NIPA1: variants seen among roughly 807,000 people sequenced by gnomAD.
NIPA1 encodes the protein NIPA magnesium transporter 1, also known as magnesium transporter NIPA1.
NIPA1 carries 13 observed loss-of-function variants against 23.9 expected under a neutral mutation model. The observed-to-expected ratio is 0.54, with a 90% CI of 0.35 to 0.87. NIPA1 has a LOEUF of 0.87. NIPA1 is among the 40% of genes least tolerant of loss of function. The probability of loss-of-function intolerance (pLI) is 0.01; values close to 1 mark genes in which losing one functional copy is unlikely to be tolerated. For missense variants in NIPA1, 362 were observed against 429.7 expected (o/e 0.84, Z 1.39); for synonymous variants, 234 against 202.9 (o/e 1.15, Z -1.30).
At chr15:22,801,342 T>C in intron 1 of NIPA1, among the ~76,000 whole-genome samples, 1 of 152,094 alleles carries the variant, frequency 6.6e-6, no homozygotes. Context: ...ATACTTGACA[T>C]CTACCCGTCA....
At chr15:22,815,437 A>G (rs756659135) in intron 3 of NIPA1, among the ~76,000 whole-genome samples, 4 of 142,370 alleles carry the variant, frequency 2.8e-5, no homozygotes, top group Non-Finnish European at 6.5e-5. Context: ...ATTTGAACCC[A>G]GGGAGACCAG....
chr15:22,788,080 C>T (rs981036942), intron 1 of NIPA1, among the ~76,000 whole-genome samples: 4 of 152,116 alleles, frequency 2.6e-5, no homozygotes, highest in African/African-American at 9.7e-5. Context: ...GTGTGACAGG[C>T]CCCAGGACTG....
chr15:22,799,018 G>A (rs1895006379), intron 1 of NIPA1, among the ~76,000 whole-genome samples: 1 of 152,004 alleles, frequency 6.6e-6, no homozygotes, highest in Non-Finnish European at 1.5e-5. Flanking sequence ...AAACAGGATG[G>A]AGATTTTTCA....
intron 1 of NIPA1, among the ~76,000 whole-genome samples, chr15:22,789,520 G>A (rs952326032): frequency 2.0e-5 from 3 of 152,122 alleles, no homozygotes; most frequent in Non-Finnish European, 4.4e-5. Flanking sequence ...AGTCACTTAC[G>A]GCTGAGAGGA....
intron 3 of NIPA1, among the ~76,000 whole-genome samples, chr15:22,813,036 T>A (rs567509205): frequency 6.6e-6 from 1 of 152,320 alleles, no homozygotes; most frequent in East Asian, 1.9e-4. Context: ...ATAGGATTTA[T>A]GACTGACGCA....
intron 1 of NIPA1, among the ~76,000 whole-genome samples, chr15:22,788,569 G>T (rs949178902): frequency 1.3e-5 from 2 of 151,176 alleles, no homozygotes; most frequent in African/African-American, 2.4e-5. Context: ...CTGAAAGCAC[G>T]TCACAACCAG....
chr15:22,811,631 T>C (rs1895319164), intron 2 of NIPA1, among the ~76,000 whole-genome samples: 1 of 152,150 alleles, frequency 6.6e-6, no homozygotes, highest in African/African-American at 2.4e-5. Context: ...CATCATGTAC[T>C]TTGTTTGTCA....
chr15:22,786,702 G>A lies in NIPA1; in HGVS notation c.46G>A (p.Ala16Thr), dbSNP rs1843144287. The A allele has an allele frequency of 8.7e-7, 1 of 1,147,790 alleles. No individual in the cohort carries two copies. The highest frequency in any genetic ancestry group is 4.0e-5 in the Admixed American group (1 of 24,888). The allele number at this position is 1,147,790 out of a possible 1,614,324, so 71.1% of individuals were successfully genotyped here. Residue 16 changes from alanine (A) to threonine (T), a missense_variant, in exon 1 of 5, where the codon GCC becomes ACC. Physicochemically the swap from Ala to Thr is moderately conservative, Grantham distance 58. Around this residue, in one of 2 missense-constraint regions of NIPA1, gnomAD observed 85 missense variants for 57.7 expected, o/e 1.47. Coordinates refer to ENST00000337435, the MANE Select transcript of NIPA1 (RefSeq NM_144599.5). ...AAAAAAAAAA[A>T]GEGARSPSPA... Reference sequence around the variant, plus strand: ...AGCGGCGGCGGCGGCGGCGGCGGCGGCCGGGGAGGGGGCGCGTAGCCCGAG... The same window carrying A: ...AGCGGCGGCGGCGGCGGCGGCGGCGACCGGGGAGGGGGCGCGTAGCCCGAG...
intron 1 of NIPA1, among the ~76,000 whole-genome samples, chr15:22,804,552 C>G: frequency 6.6e-6 from 1 of 152,230 alleles, no homozygotes; most frequent in East Asian, 1.9e-4. Flanking sequence ...ACAATGGCAT[C>G]TTCTTGTGTG....
At chr15:22,806,494 C>T (rs757279163) in intron 1 of NIPA1, among the ~76,000 whole-genome samples, 3 of 152,148 alleles carry the variant, frequency 2.0e-5, no homozygotes, top group Admixed American at 6.6e-5. Context: ...GGGGAGGAGA[C>T]GTGAGTGTGG....
At chr15:22,803,361 G>A (rs528192616) in intron 1 of NIPA1, among the ~76,000 whole-genome samples, 39 of 151,854 alleles carry the variant, frequency 2.6e-4, no homozygotes, top group Middle Eastern at 3.4e-3. Context: ...TATATATTAC[G>A]TATGTATATA....
At chr15:22,806,899 C>T (rs1487100586) in intron 1 of NIPA1, among the ~76,000 whole-genome samples, 1 of 152,142 alleles carries the variant, frequency 6.6e-6, no homozygotes, top group Non-Finnish European at 1.5e-5. Context: ...TGGACCGAGG[C>T]TCTCAGGGAC....
chr15:22,786,803 G>T lies in NIPA1; in HGVS notation c.147G>T (p.Gln49His). Residue 49 changes from glutamine (Q) to histidine (H), a missense_variant, in exon 1 of 5, where the codon CAG (glutamine) becomes CAT (histidine). By Grantham distance (24) the Gln-to-His change is conservative. This residue lies in a region of NIPA1 where 277 missense variants were observed against 372.0 expected (regional missense o/e 0.74). Transcript: ENST00000337435. ...TGAACGGGTCCACGTTCGTGCTACA[G>T]AAGAAGGGCATCGTGCGTGCCAAGC... ...SLVNGSTFVL[Q>H]KKGIVRAKRR... 1 of 1,283,150 alleles carries T rather than the reference G, an allele frequency of 7.8e-7. No homozygotes were observed. The highest frequency in any genetic ancestry group is 1.0e-6 in the Non-Finnish European group (1 of 992,480). The allele number at this position is 1,283,150 out of a possible 1,614,324, so 79.5% of individuals were successfully genotyped here.
At chr15:22,786,552 C>A (rs1418052630), upstream of NIPA1, 16 of 242,170 alleles carry the variant, frequency 6.6e-5, no homozygotes, top group South Asian at 5.6e-4. Context: ...GCTCCTCCCC[C>A]ACCCGTCCCC....
intron 1 of NIPA1, among the ~76,000 whole-genome samples, chr15:22,798,466 C>T (rs1335675461): frequency 4.0e-5 from 6 of 148,790 alleles, no homozygotes. Context: ...GTCTTGATCT[C>T]CTGACCTTGT....
At chr15:22,799,466 G>A (rs956893739) in intron 1 of NIPA1, among the ~76,000 whole-genome samples, 10 of 151,954 alleles carry the variant, frequency 6.6e-5, no homozygotes, top group African/African-American at 2.2e-4. Flanking sequence ...GCAACATGGC[G>A]AAACCTCATC....
chr15:22,787,507 C>G (rs1894734190), intron 1 of NIPA1, among the ~76,000 whole-genome samples: 1 of 152,166 alleles, frequency 6.6e-6, no homozygotes, highest in African/African-American at 2.4e-5. Flanking sequence ...CAAAACCAAG[C>G]CCTGGACGGG....
chr15:22,814,321 G>A (rs1029160336), intron 3 of NIPA1, among the ~76,000 whole-genome samples: 1 of 150,994 alleles, frequency 6.6e-6, no homozygotes, highest in East Asian at 1.9e-4. Context: ...GCAGTGGCAC[G>A]ATCTCGGCTC....
chr15:22,826,696 C>CA lies in NIPA1; in HGVS notation c.*2461dup, dbSNP rs1212014139. On this transcript the variant is annotated 3_prime_UTR_variant, in exon 5 of 5. Coordinates refer to ENST00000337435, the MANE Select transcript of NIPA1 (RefSeq NM_144599.5). ...TCTCTATAATATTCTTAGAGTAAAACAAAATCTCAAAAGTATTAATAGCTC... is the reference window on the plus strand; with the variant it reads ...TCTCTATAATATTCTTAGAGTAAAACAAAAATCTCAAAAGTATTAATAGCTC... 2 of 152,098 alleles carry CA rather than the reference C, an allele frequency of 1.3e-5. No individual in the cohort carries two copies. The highest frequency in any genetic ancestry group is 2.9e-5 in the Non-Finnish European group (2 of 68,014). 9.4% of individuals were successfully genotyped at this position (152,098 alleles called of 1,614,324 possible).
Sources: allele counts gnomAD v4.1 joint callset (sites outside exome capture counted in the v4.1 genomes callset), GRCh38; gene constraint gnomAD v4.1.1; regional missense constraint gnomAD v4.1.1; transcripts MANE v1.5; gene names NCBI Gene and HGNC (gene_info 2026-07-23, HGNC 2026-07-21).